MSI2: variants seen among roughly 807,000 people sequenced by gnomAD.
MSI2 encodes RNA-binding protein Musashi homolog 2.
A neutral mutation model predicts 45.6 loss-of-function variants in MSI2; 17 were observed. The ratio of observed to expected loss-of-function variants is 0.37; its 90% CI spans 0.26 to 0.56. The LOEUF (loss-of-function observed/expected upper bound fraction) is 0.56, where lower values mean the gene tolerates loss of function less well. Among genes scored for constraint, MSI2 ranks in the 20% least tolerant of loss-of-function variants. MSI2 has a pLI of 0.77. For synonymous variants in MSI2, 156 were observed against 158.2 expected (o/e 0.99, Z 0.11); for missense variants, 293 against 444.2 (o/e 0.66, Z 3.06).
At chr17:57,519,298 G>T (rs947984098) in intron 6 of MSI2, among the ~76,000 whole-genome samples, 2 of 152,170 alleles carry the variant, frequency 1.3e-5, no homozygotes, top group Non-Finnish European at 2.9e-5. Context: ...GCCAGGATGG[G>T]GCAGTGAATT....
chr17:57,511,533 A>G (rs1384575535), intron 6 of MSI2, among the ~76,000 whole-genome samples: 1 of 151,904 alleles, frequency 6.6e-6, no homozygotes, highest in African/African-American at 2.4e-5. Context: ...AACGCCTCTC[A>G]TTTGCTCCTG....
chr17:57,473,359 A>C (rs1165523374), intron 6 of MSI2, among the ~76,000 whole-genome samples: 1 of 152,152 alleles, frequency 6.6e-6, no homozygotes, highest in Non-Finnish European at 1.5e-5. Flanking sequence ...TGTATATATA[A>C]CTCATTCCCC....
At position 57,414,461 on chromosome 17, in the gene MSI2, C is replaced by T. The variant is rs1050861440; in HGVS notation, c.405+12990C>T. On this transcript the variant is annotated intron_variant, in intron 6 of 13. Coordinates refer to ENST00000284073, the MANE Select transcript of MSI2 (RefSeq NM_138962.4). ...CTGGAGTGCAGTGGTGCAATCTTGG[C>T]TCACTGCAGCCTCTGCCTCCTGGGT... is the stretch of plus-strand genomic sequence containing the variant. 7.2e-5 allele frequency among the ~76,000 whole-genome samples: 11 copies of T among 151,918 alleles called. No individual in the cohort carries two copies. In the East Asian group the frequency reaches 2.1e-3, roughly 29 times the overall value.
Position 57,496,418 on chromosome 17 carries a change from T to C in MSI2, c.406-33258T>C, listed in dbSNP as rs532143369. Among the ~76,000 whole-genome samples the C allele has an allele frequency of 2.6e-5, 4 of 152,204 alleles. No homozygotes were observed. In the South Asian group the frequency reaches 8.3e-4, roughly 32 times the overall value. ...TTTGCCCTCTTGGCCCTGTCGAACC[T>C]TCCAGGAGGCTGATGAACGGTCTCA... On this transcript the variant is annotated intron_variant, in intron 6 of 13. Transcript: ENST00000284073.
chr17:57,421,727 T>C (rs78911359), intron 6 of MSI2, among the ~76,000 whole-genome samples: 12,385 of 152,096 alleles, frequency 0.081, 607 homozygotes, highest in African/African-American at 0.13. Flanking sequence ...GTACAAAAAA[T>C]GTGCCTGTAC....
chr17:57,392,097 C>T (rs1001833019), intron 5 of MSI2, among the ~76,000 whole-genome samples: 1 of 152,210 alleles, frequency 6.6e-6, no homozygotes, highest in East Asian at 1.9e-4. Flanking sequence ...CCAGCCACCT[C>T]GCTCTGCAGC....
At chr17:57,662,625 G>C (rs974160993) in intron 11 of MSI2, among the ~76,000 whole-genome samples, 3 of 152,328 alleles carry the variant, frequency 2.0e-5, no homozygotes, top group Middle Eastern at 3.4e-3. Context: ...ACGCTCCATC[G>C]TACCAGCCCT....
At chr17:57,610,243 G>A (rs932692201) in intron 8 of MSI2, among the ~76,000 whole-genome samples, 7 of 152,134 alleles carry the variant, frequency 4.6e-5, no homozygotes, top group African/African-American at 9.7e-5. Context: ...ACGAGGTCAG[G>A]AGTTCGAGAC....
chr17:57,513,886 T>G (rs1287840120), intron 6 of MSI2, among the ~76,000 whole-genome samples: 2 of 152,172 alleles, frequency 1.3e-5, no homozygotes, highest in Non-Finnish European at 2.9e-5. Context: ...GCTGAGTAGT[T>G]GAGGAGCAGT....
intron 6 of MSI2, among the ~76,000 whole-genome samples, chr17:57,484,748 T>A (rs938287858): frequency 1.3e-5 from 2 of 152,214 alleles, no homozygotes; most frequent in African/African-American, 4.8e-5. Flanking sequence ...GCTGGGCTAC[T>A]CATGGCCTTG....
intron 5 of MSI2, among the ~76,000 whole-genome samples, chr17:57,287,128 G>GT (rs146627218): frequency 0.51 from 75,647 of 146,920 alleles, 21,524 homozygotes; most frequent in East Asian, 0.66. Context: ...GTCTCAAAAA[G>GT]TTGTTTTTTT....
At chr17:57,426,242 C>T (rs905893752) in intron 6 of MSI2, among the ~76,000 whole-genome samples, 30 of 152,286 alleles carry the variant, frequency 2.0e-4, no homozygotes, top group Non-Finnish European at 4.4e-5. Context: ...AGCTGCATAC[C>T]GGTTTTGTCC....
At chr17:57,336,398 G>A (rs1249067526) in intron 5 of MSI2, among the ~76,000 whole-genome samples, 3 of 152,130 alleles carry the variant, frequency 2.0e-5, no homozygotes, top group Admixed American at 6.5e-5. Flanking sequence ...TCTCTTACTC[G>A]TTTTCTTTGG....
chr17:57,451,346 G>C (rs994113186), intron 6 of MSI2, among the ~76,000 whole-genome samples: 2 of 152,218 alleles, frequency 1.3e-5, no homozygotes, highest in African/African-American at 4.8e-5. Context: ...CCTTTGTCCT[G>C]AAATGCACAA....
At chr17:57,489,006 T>A (rs150514998) in intron 6 of MSI2, among the ~76,000 whole-genome samples, 1 of 152,226 alleles carries the variant, frequency 6.6e-6, no homozygotes, top group Non-Finnish European at 1.5e-5. Context: ...CCCGAGGCCT[T>A]CACTCTCAGT....
chr17:57,450,273 AAGAAAGAAAGAAAGAAAG>A (rs1036316077), intron 6 of MSI2: 1 of 109,454 alleles, frequency 9.1e-6, no homozygotes, highest in African/African-American at 3.7e-5. Context: ...GAAAGAAAGA[AAGAAAGAAAGAAAGAAAG>A]AAAGAAAGAA....
intron 5 of MSI2, among the ~76,000 whole-genome samples, chr17:57,308,330 A>G (rs1385879892): frequency 1.3e-5 from 2 of 152,214 alleles, no homozygotes; most frequent in African/African-American, 4.8e-5. Context: ...CTAGCACATA[A>G]TAGGGGATCA....
chr17:57,493,733 T>C (rs2085921024), intron 6 of MSI2, among the ~76,000 whole-genome samples: 1 of 151,788 alleles, frequency 6.6e-6, no homozygotes. Context: ...TGGTCATTAT[T>C]ACTAAAACCT....
chr17:57,450,322 A>G (rs2084990634), intron 6 of MSI2: 1 of 148,316 alleles, frequency 6.7e-6, no homozygotes, highest in Admixed American at 6.8e-5. Context: ...AAAGAAAGAA[A>G]ACCTTTGTTA....
Sources: allele counts gnomAD v4.1 joint callset (sites outside exome capture counted in the v4.1 genomes callset), GRCh38; gene constraint gnomAD v4.1.1; transcripts MANE v1.5; gene names NCBI Gene and HGNC (gene_info 2026-07-23, HGNC 2026-07-21).